MSR1: variants seen among roughly 807,000 people sequenced by gnomAD.
MSR1 encodes the protein macrophage scavenger receptor 1, also known as macrophage scavenger receptor types I and II.
A neutral mutation model predicts 47.2 loss-of-function variants in MSR1; 53 were observed. That is an observed-to-expected ratio of 1.12 (90% CI 0.90 to 1.41). The LOEUF (loss-of-function observed/expected upper bound fraction) is 1.41. Among genes scored for constraint, MSR1 ranks in the 40% most tolerant of loss-of-function variants. The pLI is 0.00. For missense variants in MSR1, 786 were observed against 546.9 expected, an observed-to-expected ratio of 1.44 and a Z score of -4.36; for synonymous variants, 239 against 185.6, an observed-to-expected ratio of 1.29 and a Z score of -2.34.
At chr8:16,165,829 T>C (rs1405913802) in intron 4 of MSR1, among the ~76,000 whole-genome samples, 1 of 152,150 alleles carries the variant, frequency 6.6e-6, no homozygotes, top group Non-Finnish European at 1.5e-5. Context: ...TACCAGCTTT[T>C]ATTGCTCTAA....
intron 1 of MSR1, among the ~76,000 whole-genome samples, chr8:16,183,864 T>C (rs1261581790): frequency 7.0e-6 from 1 of 143,508 alleles, no homozygotes; most frequent in African/African-American, 2.5e-5. Flanking sequence ...ATATATAATA[T>C]TAAATATATT....
chr8:16,136,797 T>A (rs1470956310), intron 8 of MSR1, among the ~76,000 whole-genome samples: 1 of 152,044 alleles, frequency 6.6e-6, no homozygotes, highest in Non-Finnish European at 1.5e-5. Flanking sequence ...GAGACAGGGT[T>A]TCACCATGTT....
At chr8:16,135,592 G>A (rs796897010) in intron 8 of MSR1, among the ~76,000 whole-genome samples, 1 of 152,126 alleles carries the variant, frequency 6.6e-6, no homozygotes, top group Non-Finnish European at 1.5e-5. Flanking sequence ...TGTAGCCCAT[G>A]GATCCAGGAT....
chr8:16,116,611 T>C (rs1316291573), intron 9 of MSR1, among the ~76,000 whole-genome samples: 1 of 150,760 alleles, frequency 6.6e-6, no homozygotes, highest in Non-Finnish European at 1.5e-5. Flanking sequence ...AACCATTTTC[T>C]TCTTAGTATC....
intron 8 of MSR1, among the ~76,000 whole-genome samples, chr8:16,128,874 A>C (rs1449022030): frequency 6.6e-6 from 1 of 152,198 alleles, no homozygotes; most frequent in East Asian, 1.9e-4. Context: ...AGATGTTTTA[A>C]TACGTTAATA....
chr8:16,166,971 G>C (rs1022606254), intron 4 of MSR1, among the ~76,000 whole-genome samples: 3 of 146,848 alleles, frequency 2.0e-5, no homozygotes, highest in African/African-American at 7.5e-5. Context: ...ACACACACAT[G>C]CACGCACTGG....
In MSR1 at chr8:16,109,181, C is replaced by CG. The variant is rs1269384113; in HGVS notation, c.*903_*904insC. 6 of 140,228 alleles carry CG rather than the reference C, an allele frequency of 4.3e-5. No individual in the cohort carries two copies. The East Asian group carries it at 8.4e-4, about 20-fold the overall frequency. 8.7% of individuals were successfully genotyped at this position (140,228 alleles called of 1,614,324 possible). ...ACTAAAGACGCACCCCCCACCCCCC[C>CG]CCCCGCCCTTTGGTTGTAAATGTTG... is the stretch of plus-strand genomic sequence containing the variant. On this transcript the variant is annotated 3_prime_UTR_variant, in exon 10 of 10. Coordinates refer to ENST00000262101, the MANE Select transcript of MSR1 (RefSeq NM_138715.3).
At chr8:16,157,138 G>C (rs150040760) in intron 5 of MSR1, among the ~76,000 whole-genome samples, 265 of 152,100 alleles carry the variant, frequency 1.7e-3, no homozygotes, top group African/African-American at 6.2e-3. Context: ...GCAAGACGCA[G>C]ACATTCCAGG....
intron 5 of MSR1, among the ~76,000 whole-genome samples, chr8:16,161,485 A>G (rs1801162191): frequency 6.6e-6 from 1 of 152,118 alleles, no homozygotes; most frequent in African/African-American, 2.4e-5. Flanking sequence ...TTTTATTGTG[A>G]TAAATACTAT....
In MSR1 at chr8:16,155,112, G is replaced by C. The variant is rs762856785; in HGVS notation, c.850C>G (p.Arg284Gly). The C allele has an allele frequency of 1.2e-6, 2 of 1,612,182 alleles. No individual in the cohort carries two copies. The highest frequency in any genetic ancestry group is 1.7e-6 in the Non-Finnish European group (2 of 1,178,786). The change falls in exon 6 of 10, where the codon CGA (arginine) becomes GGA (glycine). Residue 284 changes from arginine (R) to glycine (G), a missense_variant. Arg to Gly is a moderately radical substitution (Grantham distance 125). Transcript: ENST00000262101. ...PPGPPGEKGD[R>G]GPTGESGPRG... Reference sequence around the variant, plus strand: ...GGACCACTTTCTCCAGTGGGACCTCGATCTCCTTTTTCACCCGGGGGTCCA... The same window carrying C: ...GGACCACTTTCTCCAGTGGGACCTCCATCTCCTTTTTCACCCGGGGGTCCA...
chr8:16,138,788 G>A (rs1204256086), intron 8 of MSR1, among the ~76,000 whole-genome samples: 3 of 152,188 alleles, frequency 2.0e-5, no homozygotes. Context: ...ATTCAATGTT[G>A]CTAGCCTGCT....
At chr8:16,120,801 GCT>G in intron 8 of MSR1, 195 bp from the exon 9 acceptor site, 2 of 697,024 alleles carry the variant, frequency 2.9e-6, no homozygotes, top group Non-Finnish European at 4.6e-6. Flanking sequence ...AAATATTGCA[GCT>G]TTAACAGCTG....
intron 9 of MSR1, among the ~76,000 whole-genome samples, chr8:16,110,853 A>G (rs1799740951): frequency 6.6e-6 from 1 of 152,148 alleles, no homozygotes; most frequent in Admixed American, 6.5e-5. Context: ...ACAGCAAGAA[A>G]ATGACAAAGC....
At chr8:16,177,456 C>T (rs955410403) in intron 2 of MSR1, among the ~76,000 whole-genome samples, 6 of 151,886 alleles carry the variant, frequency 4.0e-5, no homozygotes, top group Non-Finnish European at 7.4e-5. Flanking sequence ...CTAGAGCCTT[C>T]GAAAGGGCAC....
Position 16,116,320 on chromosome 8 carries a change from G to T in MSR1, c.1222+4098C>A, listed in dbSNP as rs539044491. Among the ~76,000 whole-genome samples the T allele has an allele frequency of 1.1e-4, 17 of 152,100 alleles. No homozygotes were observed. In the South Asian group the frequency reaches 3.5e-3, roughly 32 times the overall value. On this transcript the variant is annotated intron_variant, in intron 9 of 9. Transcript: ENST00000262101. ...ATAACCACAGCTAAAATTTAAACTT[G>T]CAATTTTTTAAGTTAGAAAACTCCT...
intron 4 of MSR1, 124 bp downstream of exon 4, chr8:16,168,334 G>A: frequency 1.1e-6 from 1 of 909,150 alleles, no homozygotes; most frequent in Non-Finnish European, 1.8e-6. Flanking sequence ...GTTAGCCATA[G>A]AAATCAGGGT....
At chr8:16,124,633 T>A (rs2117071289) in intron 8 of MSR1, among the ~76,000 whole-genome samples, 1 of 152,306 alleles carries the variant, frequency 6.6e-6, no homozygotes, top group Admixed American at 6.5e-5. Flanking sequence ...CTCTCATTTC[T>A]ACACTCTCAA....
At chr8:16,148,231 T>C (rs1056286921) in intron 7 of MSR1, among the ~76,000 whole-genome samples, 2 of 152,134 alleles carry the variant, frequency 1.3e-5, no homozygotes, top group African/African-American at 4.8e-5. Context: ...TAATTGCTTA[T>C]GCATTTTTTT....
chr8:16,138,385 G>C (rs985906418), intron 8 of MSR1, among the ~76,000 whole-genome samples: 6 of 152,194 alleles, frequency 3.9e-5, no homozygotes, highest in African/African-American at 9.6e-5. Context: ...TTAGAGCTTA[G>C]TGAAGGCTTC....
Sources: allele counts gnomAD v4.1 joint callset (sites outside exome capture counted in the v4.1 genomes callset), GRCh38; gene constraint gnomAD v4.1.1; transcripts MANE v1.5; gene names NCBI Gene and HGNC (gene_info 2026-07-23, HGNC 2026-07-21).